The following TMC6 variants were observed in gnomAD, a reference collection of about 807,000 sequenced individuals.
TMC6 encodes the protein transmembrane channel like 6.
A neutral mutation model predicts 95.4 loss-of-function variants in TMC6; 71 were observed. That is an observed-to-expected ratio of 0.74 (90% CI 0.61 to 0.91). The LOEUF (loss-of-function observed/expected upper bound fraction) is 0.91, where lower values mean the gene tolerates loss of function less well. Among genes scored for constraint, TMC6 ranks in the 40% least tolerant of loss-of-function variants. The pLI is 0.00. For missense variants in TMC6, 1,074 were observed against 1,079.1 expected (o/e 1.00, Z 0.07); for synonymous variants, 514 against 483.1 (o/e 1.06, Z -0.84).
In TMC6 at chr17:78,122,473, C is replaced by T. The variant is rs939672620; in HGVS notation, c.1227+132G>A. ...CAAGCAGAAGACCACGCCTGCCCAG[C>T]GCCCCGAGTTCAGCTCACGGACAGC... On this transcript the variant is annotated intron_variant, in intron 10 of 19. Coordinates refer to ENST00000590602, the MANE Select transcript of TMC6 (RefSeq NM_001127198.5). The surrounding 1 kb of genome is among the most constrained non-coding windows in gnomAD (Gnocchi z 4.9). 2.8e-5 allele frequency: 38 copies of T among 1,373,164 alleles called. No homozygotes were observed. Among genetic ancestry groups the T allele is most frequent in the African/African-American group, 1.0e-4 (7 of 69,824 alleles). The allele number at this position is 1,373,164 out of a possible 1,614,324, so 85.1% of individuals were successfully genotyped here. A position where few individuals can be genotyped will look rare whatever the true frequency, so the allele number is the denominator to read the frequency against.
At chr17:78,120,280 C>A in intron 13 of TMC6, 1 of 372,764 alleles carries the variant, frequency 2.7e-6, no homozygotes, top group Admixed American at 3.5e-5. Flanking sequence ...ATGCCTCTGC[C>A]TCCCGAGTAG....
intron 16 of TMC6, 27 bp downstream of exon 16, chr17:78,117,774 AG>A (rs1370647528): frequency 4.4e-6 from 7 of 1,598,116 alleles, no homozygotes; most frequent in Non-Finnish European, 6.0e-6. Flanking sequence ...ATGACACAGA[AG>A]GGTCTCCCTC....
Position 78,122,347 on chromosome 17 carries a change from GC to G in TMC6, c.1227+257del, listed in dbSNP as rs1417680819. Among the ~76,000 whole-genome samples the G allele has an allele frequency of 6.6e-6, 1 of 152,030 alleles. No individual in the cohort carries two copies. Among genetic ancestry groups the G allele is most frequent in the East Asian group, 1.9e-4 (1 of 5,156 alleles). On this transcript the variant is annotated intron_variant, in intron 10 of 19. Coordinates refer to ENST00000590602, the MANE Select transcript of TMC6 (RefSeq NM_001127198.5). This position sits in a 1 kb window ranked among gnomAD's most constrained non-coding sequence, Gnocchi z 4.9. ...GAGGCCTCAGGGCTGGCTCCCGGGTGCCCACGGGGCCATGGCGCTACTACGC... is the reference window on the plus strand; with the variant it reads ...GAGGCCTCAGGGCTGGCTCCCGGGTGCCACGGGGCCATGGCGCTACTACGC...
At chr17:78,129,175 G>GA (rs1290555054), upstream of TMC6, among the ~76,000 whole-genome samples, 1 of 151,746 alleles carries the variant, frequency 6.6e-6, no homozygotes, top group Non-Finnish European at 1.5e-5. This position sits in a 1 kb window ranked among gnomAD's most constrained non-coding sequence, Gnocchi z 4.3. Context: ...CCGGCGGGGG[G>GA]AGCCTGGTTA....
At chr17:78,124,817 C>CA (rs1218138256) in intron 7 of TMC6, 36 bp from the exon 8 acceptor site, 2 of 1,577,388 alleles carry the variant, frequency 1.3e-6, no homozygotes, top group African/African-American at 2.7e-5. Context: ...GAGGGTGAGG[C>CA]CGGAGGAGGC....
At chr17:78,132,189 AC>A (rs1258811177), upstream of TMC6, 23 of 1,391,820 alleles carry the variant, frequency 1.7e-5, no homozygotes, top group Non-Finnish European at 2.2e-5. Context: ...GGCACCGCAA[AC>A]CTCGGGCCCA....
rs571041354 is a variant in TMC6 at position 78,125,219 on chromosome 17, C to T, written c.475G>A (p.Ala159Thr). ...LVKELQSLAV[A>T]QRDHMLRGMP... ...CCGCGAAGCATGTGGTCCCGCTGTG[C>T]CACTGCCAGGCTCTGGAGCTCCTTC... The change falls in exon 6 of 20, where the codon GCA (alanine) becomes ACA (threonine). Residue 159 changes from alanine (A) to threonine (T), a missense_variant. By Grantham distance (58) the Ala-to-Thr change is moderately conservative. Transcript: ENST00000590602. 281 of 1,590,228 alleles carry T rather than the reference C, an allele frequency of 1.8e-4. 3 individuals are homozygous for T. In the South Asian group the frequency reaches 3.0e-3, roughly 17 times the overall value.
chr17:78,124,378 G>T (rs1383476756), intron 8 of TMC6, 146 bp downstream of exon 8: 48 of 1,397,348 alleles, frequency 3.4e-5, no homozygotes, highest in Non-Finnish European at 4.6e-5. Context: ...GTCATTGAGG[G>T]GGAGGCGGGG....
chr17:78,113,685 C>G (rs1192920268), intron 18 of TMC6, 61 bp from the exon 19 acceptor site: 7 of 1,549,360 alleles, frequency 4.5e-6, no homozygotes, highest in Middle Eastern at 1.7e-4. Flanking sequence ...CAGAGCCATC[C>G]TGTTCCAAAC....
At chr17:78,119,202 C>T (rs2074284134) in intron 14 of TMC6, 95 bp downstream of exon 14, 1 of 1,549,588 alleles carries the variant, frequency 6.5e-7, no homozygotes, top group Non-Finnish European at 8.9e-7. Flanking sequence ...CCGGGCCTGG[C>T]TGTGGCCCCA....
chr17:78,114,674 C>T (rs1184713208), intron 18 of TMC6, among the ~76,000 whole-genome samples: 1 of 152,072 alleles, frequency 6.6e-6, no homozygotes, highest in Non-Finnish European at 1.5e-5. Flanking sequence ...GGCAACCTGG[C>T]TCAGCCTAGG....
In TMC6 at chr17:78,122,767, C is replaced by G; in HGVS notation, c.1083-18G>C. ...GAGCCATGCTGGGGAGAAGCAGACA[C>G]AGACATGGCAACCAACAAGCTGACG... On this transcript the variant is annotated intron_variant, in intron 9 of 19. Transcript: ENST00000590602. The surrounding 1 kb of genome is among the most constrained non-coding windows in gnomAD (Gnocchi z 4.9). 1.2e-6 allele frequency: 2 copies of G among 1,606,462 alleles called. No homozygotes were observed. The highest frequency in any genetic ancestry group is 1.7e-6 in the Non-Finnish European group (2 of 1,177,846).
At chr17:78,116,958 C>T (rs1255080817) in intron 18 of TMC6, among the ~76,000 whole-genome samples, 1 of 152,144 alleles carries the variant, frequency 6.6e-6, no homozygotes, top group Non-Finnish European at 1.5e-5. Flanking sequence ...CATAGGGACC[C>T]AAAAATCCTC....
chr17:78,113,245 T>A (rs1365383610), intron 19 of TMC6, 34 bp from the exon 20 acceptor site: 4 of 1,545,144 alleles, frequency 2.6e-6, no homozygotes, highest in Non-Finnish European at 3.5e-6. Context: ...GGGGACCCCA[T>A]AAACATCAAC....
intron 9 of TMC6, chr17:78,123,207 C>G (rs966650293): frequency 3.2e-6 from 1 of 312,976 alleles, no homozygotes; most frequent in Non-Finnish European, 6.3e-6. Context: ...GGAAACACCA[C>G]TAAGCCTCAT....
intron 9 of TMC6, among the ~76,000 whole-genome samples, 180 bp downstream of exon 9, chr17:78,123,809 G>A (rs2074552604): frequency 1.3e-5 from 2 of 151,850 alleles, no homozygotes; most frequent in African/African-American, 4.8e-5. Flanking sequence ...GGATGGGTGG[G>A]TAGGTAGATG....
chr17:78,132,305 G>GGCCCCAGCCC, upstream of TMC6: 1 of 1,602,806 alleles, frequency 6.2e-7, no homozygotes, highest in Non-Finnish European at 8.5e-7. Flanking sequence ...GACTCTCAGC[G>GGCCCCAGCCC]CGGCCCCAGC....
intron 8 of TMC6, 97 bp from the exon 9 acceptor site, chr17:78,124,276 G>A: frequency 1.3e-6 from 2 of 1,510,964 alleles, no homozygotes; most frequent in Non-Finnish European, 1.8e-6. Flanking sequence ...AGGAGGCCAG[G>A]CAGGGGCAGT....
Position 78,126,372 on chromosome 17 carries a change from A to G in TMC6, c.182-6T>C, listed in dbSNP as rs549664012. ...GAGTGTCTGCTGGCTACTTCCTACA[A>G]AGCAAGAAAGACTCACCAGGGGTCC... On this transcript the variant is annotated splice_polypyrimidine_tract_variant and splice_region_variant and intron_variant, in intron 3 of 19. Coordinates refer to ENST00000590602, the MANE Select transcript of TMC6 (RefSeq NM_001127198.5). 9.4e-6 allele frequency: 15 copies of G among 1,594,440 alleles called. No homozygotes were observed. In the East Asian group the frequency reaches 3.4e-4, roughly 36 times the overall value.
Sources: gnomAD v4.1 joint callset for allele counts (sites outside exome capture counted in the v4.1 genomes callset) on GRCh38, gnomAD v4.1.1 for gene constraint, Gnocchi (gnomAD v3.1) non-coding constraint, MANE v1.5 for transcripts, NCBI Gene and HGNC (gene_info 2026-07-23, HGNC 2026-07-21) for gene names.